Variants in EYA2 observed in about 807,000 individuals in gnomAD.
EYA2 encodes protein phosphatase EYA2.
In EYA2, 31 loss-of-function variants were observed where a neutral mutation model predicts 69.2. That is an observed-to-expected ratio of 0.45 (90% CI 0.34 to 0.60). The LOEUF (loss-of-function observed/expected upper bound fraction) is 0.60. Ranked by LOEUF, EYA2 falls within the 20% of genes least tolerant of loss-of-function variation. The probability of loss-of-function intolerance (pLI) is 0.02; values close to 1 mark genes in which losing one functional copy is unlikely to be tolerated. For synonymous variants in EYA2, 257 were observed against 279.4 expected, an observed-to-expected ratio of 0.92 and a Z score of 0.80; for missense variants, 622 against 701.2, an observed-to-expected ratio of 0.89 and a Z score of 1.28.
chr20:47,184,036 C>T (rs2034588732), intron 15 of EYA2, among the ~76,000 whole-genome samples: 1 of 152,158 alleles, frequency 6.6e-6, no homozygotes. Flanking sequence ...TGTTCAGGGT[C>T]TCAGCAGATG....
chr20:47,071,345 T>C (rs552493282), intron 5 of EYA2, among the ~76,000 whole-genome samples: 1 of 152,212 alleles, frequency 6.6e-6, no homozygotes, highest in Admixed American at 6.6e-5. Context: ...CATCTCACTA[T>C]GTTGACCAGA....
Position 47,172,703 on chromosome 20 carries a change from G to T in EYA2, c.1038-4G>T, listed in dbSNP as rs376511852. ...ACACTGTCCCTCCCCTCCTCTCTCC[G>T]CAGCACATACAACTTCTCCGCTGAC... On this transcript the variant is annotated splice_polypyrimidine_tract_variant and splice_region_variant and intron_variant, in intron 11 of 15. Coordinates refer to ENST00000327619, the MANE Select transcript of EYA2 (RefSeq NM_005244.5). 3.1e-6 allele frequency: 5 copies of T among 1,607,688 alleles called. No individual in the cohort carries two copies. The highest frequency in any genetic ancestry group is 4.2e-6 in the Non-Finnish European group (5 of 1,176,998).
intron 9 of EYA2, among the ~76,000 whole-genome samples, chr20:47,123,190 G>A (rs1293830843): frequency 1.3e-5 from 2 of 151,712 alleles, no homozygotes; most frequent in Non-Finnish European, 2.9e-5. Context: ...GATAATAATT[G>A]TACACATTCA....
At chr20:47,101,318 C>A (rs1365621080) in intron 9 of EYA2, among the ~76,000 whole-genome samples, 3 of 152,160 alleles carry the variant, frequency 2.0e-5, no homozygotes, top group Admixed American at 2.0e-4. Flanking sequence ...AACTCTTGGG[C>A]TCAAGTGATT....
intron 10 of EYA2, 62 bp from the exon 11 acceptor site, chr20:47,169,077 G>C (rs965695150): frequency 1.7e-5 from 25 of 1,510,606 alleles, no homozygotes; most frequent in Non-Finnish European, 2.3e-5. Flanking sequence ...ACCCTTGAAG[G>C]CTACATCAGA....
chr20:47,041,941 T>C (rs1985093879), intron 5 of EYA2, among the ~76,000 whole-genome samples: 1 of 152,066 alleles, frequency 6.6e-6, no homozygotes, highest in African/African-American at 2.4e-5. Flanking sequence ...TTGTTTGCCA[T>C]AAATGGAAGG....
intron 12 of EYA2, among the ~76,000 whole-genome samples, chr20:47,173,538 A>G (rs1196069183): frequency 3.0e-4 from 36 of 121,842 alleles, no homozygotes; most frequent in African/African-American, 9.4e-4. Flanking sequence ...AAAAACGTGC[A>G]GGGTCTCAGG....
chr20:47,099,161 G>A (rs1353375351), intron 9 of EYA2, among the ~76,000 whole-genome samples: 1 of 152,240 alleles, frequency 6.6e-6, no homozygotes, highest in Admixed American at 6.5e-5. Flanking sequence ...AGGAGTGAGG[G>A]AGCTGGGATA....
At chr20:47,010,522 G>GA (rs745584105) in intron 4 of EYA2, among the ~76,000 whole-genome samples, 4 of 152,100 alleles carry the variant, frequency 2.6e-5, no homozygotes, top group Non-Finnish European at 4.4e-5. Context: ...CCAGCTACTA[G>GA]AGAGGCTGAG....
intron 5 of EYA2, among the ~76,000 whole-genome samples, chr20:47,044,816 G>A (rs6124931): frequency 0.32 from 48,103 of 152,012 alleles, 9,502 homozygotes; most frequent in Non-Finnish European, 0.42. Context: ...TCATACAATC[G>A]GAGAACAGCA....
intron 1 of EYA2, among the ~76,000 whole-genome samples, chr20:46,980,354 A>G (rs1419078778): frequency 6.6e-6 from 1 of 152,216 alleles, no homozygotes; most frequent in African/African-American, 2.4e-5. Context: ...TAGCAGCCTC[A>G]AACACCAGAG....
At chr20:47,172,608 A>G in intron 11 of EYA2, 99 bp from the exon 12 acceptor site, 1 of 1,375,244 alleles carries the variant, frequency 7.3e-7, no homozygotes, top group South Asian at 1.4e-5. Context: ...ATGGACACCC[A>G]AAAGCCCACC....
At chr20:47,062,053 G>A (rs961987758) in intron 5 of EYA2, among the ~76,000 whole-genome samples, 2 of 152,156 alleles carry the variant, frequency 1.3e-5, no homozygotes, top group African/African-American at 4.8e-5. Context: ...AGAATCCCAA[G>A]GCAGCGTCTC....
At chr20:47,061,354 C>T (rs2030876482) in intron 5 of EYA2, among the ~76,000 whole-genome samples, 1 of 152,052 alleles carries the variant, frequency 6.6e-6, no homozygotes, top group Non-Finnish European at 1.5e-5. Flanking sequence ...TAGCAAGACC[C>T]CACCTCTACA....
intron 9 of EYA2, among the ~76,000 whole-genome samples, chr20:47,127,003 A>G (rs1288091585): frequency 6.6e-6 from 1 of 152,206 alleles, no homozygotes; most frequent in East Asian, 1.9e-4. Context: ...TTCTTGTAGA[A>G]TGCTCAAATG....
chr20:47,135,126 C>CAAAAAAAAAA (rs11484435), intron 9 of EYA2, among the ~76,000 whole-genome samples: 5 of 58,488 alleles, frequency 8.5e-5, no homozygotes, highest in Non-Finnish European at 1.6e-4. Flanking sequence ...GACTCCATAT[C>CAAAAAAAAAA]AAAAAAAAAA....
intron 1 of EYA2, among the ~76,000 whole-genome samples, chr20:46,952,409 T>C (rs1156238575): frequency 1.3e-5 from 2 of 152,226 alleles, no homozygotes; most frequent in Non-Finnish European, 2.9e-5. Flanking sequence ...AGCCAGAAGC[T>C]GGCCTCATTT....
chr20:47,159,939 A>G (rs2034029949), intron 10 of EYA2, among the ~76,000 whole-genome samples: 1 of 152,066 alleles, frequency 6.6e-6, no homozygotes, highest in Non-Finnish European at 1.5e-5. Context: ...AGTGAGCTGC[A>G]GGAAGCCACT....
chr20:46,940,077 G>T (rs956592463), intron 1 of EYA2, among the ~76,000 whole-genome samples: 3 of 152,114 alleles, frequency 2.0e-5, no homozygotes, highest in African/African-American at 7.2e-5. Context: ...AATATAATAG[G>T]CCTACCTGAG....
Sources: gnomAD v4.1 joint callset for allele counts (sites outside exome capture counted in the v4.1 genomes callset) on GRCh38, gnomAD v4.1.1 for gene constraint, MANE v1.5 for transcripts, NCBI Gene and HGNC (gene_info 2026-07-23, HGNC 2026-07-21) for gene names.